KLK1: variants seen among roughly 807,000 people sequenced by gnomAD.
KLK1 encodes kallikrein 1, also known as kallikrein-1.
Under a neutral mutation model 23.3 loss-of-function variants are expected in KLK1, and 22 were observed. The ratio of observed to expected loss-of-function variants is 0.95; its 90% CI spans 0.68 to 1.35. The LOEUF is 1.35. Among genes scored for constraint, KLK1 ranks in the 40% most tolerant of loss-of-function variants. KLK1 has a pLI of 0.00. For missense variants in KLK1, 301 were observed against 338.9 expected (o/e 0.89, Z 0.88); for synonymous variants, 140 against 135.8 (o/e 1.03, Z -0.21).
Position 50,820,038 on chromosome 19 carries a change from A to ACGAACC in KLK1, c.497-9_497-4dup. ...CTGGAGATCATCTGGAAATGAGACT[A>ACGAACC]CGAACCCGGGAGAAAAAGGGCTGCA... On this transcript the variant is annotated splice_polypyrimidine_tract_variant and splice_region_variant and intron_variant, in intron 3 of 4. Coordinates refer to ENST00000301420, the MANE Select transcript of KLK1 (RefSeq NM_002257.4). 1 of 1,614,050 alleles carries ACGAACC rather than the reference A, an allele frequency of 6.2e-7. No individual in the cohort carries two copies. Among genetic ancestry groups the ACGAACC allele is most frequent in the South Asian group, 1.1e-5 (1 of 91,058 alleles).
In KLK1 at chr19:50,821,760, A is replaced by T; in HGVS notation, c.158T>A (p.Ile53Asn). ...YHFSTFQCGG[I>N]LVHRQWVLTA... ...GAGCACCCACTGGCGGTGCACCAGG[A>T]TGCCCCCACACTGGAAAGTGCTGAA... Residue 53 changes from isoleucine (I) to asparagine (N), a missense_variant, in exon 2 of 5, where the codon ATC becomes AAC. Physicochemically the swap from Ile to Asn is moderately radical, Grantham distance 149. Transcript: ENST00000301420. This position sits in a 1 kb window ranked among gnomAD's most constrained non-coding sequence, Gnocchi z 5.6. The T allele has an allele frequency of 2.5e-6, 4 of 1,613,936 alleles. No homozygotes were observed. Among genetic ancestry groups the T allele is most frequent in the Non-Finnish European group, 8.5e-7 (1 of 1,179,956 alleles).
At chr19:50,819,778 C>A in intron 4 of KLK1, 121 bp downstream of exon 4, 1 of 957,738 alleles carries the variant, frequency 1.0e-6, no homozygotes, top group South Asian at 1.6e-5. Flanking sequence ...ACTGATGGGG[C>A]GAGTGGCTAC....
chr19:50,823,716 G>A lies in KLK1; in HGVS notation c.33C>T (p.Ser11=). Residue 11 remains serine (S), a synonymous_variant, in exon 1 of 5, where the codon TCC becomes TCT. Coordinates refer to ENST00000301420, the MANE Select transcript of KLK1 (RefSeq NM_002257.4). The stretch of plus-strand genomic sequence containing the variant: ...CCACTGTCTCACCAGTCCCCCCCAG[G>A]GACAGGGCGAGGCACAGAACCAGGA... MWFLVLCLAL[S]LGGTGAAPPI... 6.2e-7 allele frequency: 1 copy of A among 1,609,950 alleles called. No individual in the cohort carries two copies. Among genetic ancestry groups the A allele is most frequent in the Non-Finnish European group, 8.5e-7 (1 of 1,176,870 alleles).
At chr19:50,820,634 T>G in intron 2 of KLK1, 191 bp from the exon 3 acceptor site, 3 of 520,948 alleles carry the variant, frequency 5.8e-6, no homozygotes, top group Non-Finnish European at 1.0e-5. Context: ...ATTTTGAGAG[T>G]GCAAAAGGCA....
Position 50,823,338 on chromosome 19 carries a change from G to C in KLK1, c.46+365C>G, listed in dbSNP as rs558599670. Among the ~76,000 whole-genome samples the C allele has an allele frequency of 5.3e-5, 8 of 152,234 alleles. No homozygotes were observed. In the South Asian group the frequency reaches 1.5e-3, roughly 28 times the overall value. On this transcript the variant is annotated intron_variant, in intron 1 of 4. Transcript: ENST00000301420. ...GGGGATGATCAGAGTCCTGTGGGGT[G>C]GGGGAAGCCCATGGGAGGGTTGGGG...
At position 50,821,227 on chromosome 19, in the gene KLK1, G is replaced by C. The variant is rs1191405776; in HGVS notation, c.206+485C>G. On this transcript the variant is annotated intron_variant, in intron 2 of 4. Coordinates refer to ENST00000301420, the MANE Select transcript of KLK1 (RefSeq NM_002257.4). The surrounding 1 kb of genome is among the most constrained non-coding windows in gnomAD (Gnocchi z 5.6). Reference sequence around the variant, plus strand: ...TGTGGGGCGGGGAGCTGGACAGAGGGAGAGGCGCCCCCTCCCAGGCACACA... The same window carrying C: ...TGTGGGGCGGGGAGCTGGACAGAGGCAGAGGCGCCCCCTCCCAGGCACACA... Among the ~76,000 whole-genome samples, 4 of 152,214 alleles carry C rather than the reference G, an allele frequency of 2.6e-5. No homozygotes were observed. Among genetic ancestry groups the C allele is most frequent in the Non-Finnish European group, 4.4e-5 (3 of 68,036 alleles).
Position 50,822,107 on chromosome 19 carries a change from A to T in KLK1, c.47-236T>A, listed in dbSNP as rs58047094. On this transcript the variant is annotated intron_variant, in intron 1 of 4. Transcript: ENST00000301420. ...AGATTTTGTGCTCTGACAGTAGAGC[A>T]GCCTCCAGGGATCAGGGTAGGAGAC... is the stretch of plus-strand genomic sequence containing the variant. 1.1e-4 allele frequency: 146 copies of T among 1,306,526 alleles called. 1 individual carries two copies. The East Asian group carries it at 3.9e-3, about 34-fold the overall frequency. 80.9% of individuals were successfully genotyped at this position (1,306,526 alleles called of 1,614,324 possible).
Position 50,821,684 on chromosome 19 carries a change from T to TC in KLK1, c.206+27dup. The TC allele has an allele frequency of 6.4e-7, 1 of 1,552,708 alleles. No homozygotes were observed. Among genetic ancestry groups the TC allele is most frequent in the Non-Finnish European group, 8.7e-7 (1 of 1,145,760 alleles). On this transcript the variant is annotated intron_variant, in intron 2 of 4. Transcript: ENST00000301420. This position sits in a 1 kb window ranked among gnomAD's most constrained non-coding sequence, Gnocchi z 5.6. ...CAATCCTGTGGCAGCATAGATGCCC[T>TC]CCTCCCAGACCCCAGGCCCCTACTC...
At position 50,821,280 on chromosome 19, in the gene KLK1, C is replaced by T. The variant is rs1447205506; in HGVS notation, c.206+432G>A. ...TTGGGGATAAAGCCCTTCCTTTACT[C>T]TGGGGCCTCCCTTAGGTCCATCTGG... is the stretch of plus-strand genomic sequence containing the variant. On this transcript the variant is annotated intron_variant, in intron 2 of 4. Coordinates refer to ENST00000301420, the MANE Select transcript of KLK1 (RefSeq NM_002257.4). This position sits in a 1 kb window ranked among gnomAD's most constrained non-coding sequence, Gnocchi z 5.6. 6.6e-6 allele frequency among the ~76,000 whole-genome samples: 1 copy of T among 152,144 alleles called. No individual in the cohort carries two copies. The highest frequency in any genetic ancestry group is 1.5e-5 in the Non-Finnish European group (1 of 68,016).
intron 1 of KLK1, chr19:50,822,594 G>A: frequency 6.1e-6 from 6 of 985,572 alleles, no homozygotes; most frequent in Non-Finnish European, 7.2e-6. Context: ...ATGGCAATCT[G>A]AGGGGAGGTT....
chr19:50,823,223 G>T lies in KLK1; in HGVS notation c.46+480C>A, dbSNP rs529441315. On this transcript the variant is annotated intron_variant, in intron 1 of 4. Transcript: ENST00000301420. The stretch of plus-strand genomic sequence containing the variant: ...GGGTCTGGAGGACACAGTTGAGAGC[G>T]GACAGCTGGATGGAAAAAGTCACTG... Among the ~76,000 whole-genome samples, 11 of 152,216 alleles carry T rather than the reference G, an allele frequency of 7.2e-5. No individual in the cohort carries two copies. In the South Asian group the frequency reaches 2.3e-3, roughly 32 times the overall value.
At chr19:50,822,714 A>C (rs753551593) in intron 1 of KLK1, 47 of 985,212 alleles carry the variant, frequency 4.8e-5, no homozygotes, top group Non-Finnish European at 5.5e-5. Flanking sequence ...TTCGTTTCTC[A>C]TGGGGATGGG....
chr19:50,820,503 G>GGT, intron 2 of KLK1, 60 bp from the exon 3 acceptor site: 1 of 922,046 alleles, frequency 1.1e-6, no homozygotes, highest in Non-Finnish European at 1.6e-6. Flanking sequence ...GGATGGGGCA[G>GGT]GGGAGCATGG....
chr19:50,822,576 A>G (rs2089834686), intron 1 of KLK1: 1 of 985,200 alleles, frequency 1.0e-6, no homozygotes, highest in Admixed American at 6.2e-5. Context: ...CCTTCCTGTG[A>G]ACCAGGAATG....
rs571653732 is a variant in KLK1, at chr19:50,820,771, G to A, written c.207-328C>T. On this transcript the variant is annotated intron_variant, in intron 2 of 4. Transcript: ENST00000301420. ...GAAGGATAAAAGACAGGGACAGCGA[G>A]AAACAGGCCCAGGGAAGAGGGAGGA... The A allele has an allele frequency of 1.7e-5, 4 of 228,826 alleles. No individual in the cohort carries two copies. The South Asian group carries it at 4.1e-4, about 23-fold the overall frequency. 14.2% of individuals were successfully genotyped at this position (228,826 alleles called of 1,614,324 possible).
Position 50,820,263 on chromosome 19 carries a change from A to C in KLK1, c.387T>G (p.Pro129=). ...HDLMLLRLTE[P]ADTITDAVKV... is the part of the protein sequence containing the mutation. The stretch of plus-strand genomic sequence containing the variant: ...TCACAGCATCTGTGATGGTATCAGC[A>C]GGCTCTGTCAGGCGGAGCAGCATGA... Residue 129 remains proline (P), a synonymous_variant, in exon 3 of 5, where the codon CCT becomes CCG. Coordinates refer to ENST00000301420, the MANE Select transcript of KLK1 (RefSeq NM_002257.4). The C allele has an allele frequency of 7.4e-6, 12 of 1,614,052 alleles. No individual in the cohort carries two copies. The highest frequency in any genetic ancestry group is 1.0e-5 in the Non-Finnish European group (12 of 1,180,024).
intron 1 of KLK1, chr19:50,822,245 G>C (rs534615424): frequency 9.9e-7 from 1 of 1,012,570 alleles, no homozygotes; most frequent in Non-Finnish European, 1.2e-6. Flanking sequence ...CTGGAAACCA[G>C]GGATCAAGGC....
chr19:50,820,339 C>G lies in KLK1; in HGVS notation c.311G>C (p.Ser104Thr). 1 of 1,614,008 alleles carries G rather than the reference C, an allele frequency of 6.2e-7. No homozygotes were observed. The highest frequency in any genetic ancestry group is 2.2e-5 in the East Asian group (1 of 44,854). ...ESFPHPGFNM[S>T]LLENHTRQAD... Reference sequence around the variant, plus strand: ...TTGGCGGGTGTGGTTCTCCAGGAGGCTCATGTTGAAGCCAGGGTGTGGGAA... The same window carrying G: ...TTGGCGGGTGTGGTTCTCCAGGAGGGTCATGTTGAAGCCAGGGTGTGGGAA... Residue 104 changes from serine (S) to threonine (T), a missense_variant, in exon 3 of 5, where the codon AGC becomes ACC. Ser to Thr is a moderately conservative substitution (Grantham distance 58, BLOSUM62 1). Coordinates refer to ENST00000301420, the MANE Select transcript of KLK1 (RefSeq NM_002257.4).
At chr19:50,822,542 T>A in intron 1 of KLK1, 1 of 985,118 alleles carries the variant, frequency 1.0e-6, no homozygotes, top group Non-Finnish European at 1.2e-6. Context: ...AGGCTAGAGG[T>A]GGGCTTCCGA....
Sources: gnomAD v4.1 joint callset for allele counts (sites outside exome capture counted in the v4.1 genomes callset) on GRCh38, gnomAD v4.1.1 for gene constraint, Gnocchi (gnomAD v3.1) non-coding constraint, MANE v1.5 for transcripts, NCBI Gene and HGNC (gene_info 2026-07-23, HGNC 2026-07-21) for gene names.